The following SEMA3D variants were observed in gnomAD, a reference collection of about 807,000 sequenced individuals.
SEMA3D encodes the protein semaphorin 3D, also known as semaphorin-3D.
SEMA3D carries 84 observed loss-of-function variants against 100.1 expected under a neutral mutation model. That is an observed-to-expected ratio of 0.84 (90% confidence interval 0.70 to 1.01). The LOEUF (loss-of-function observed/expected upper bound fraction) is 1.01. SEMA3D is among the 50% of genes least tolerant of loss of function. SEMA3D has a pLI of 0.00. For synonymous variants in SEMA3D, 312 were observed against 320.7 expected, an observed-to-expected ratio of 0.97 and a Z score of 0.29; for missense variants, 875 against 934.1, an observed-to-expected ratio of 0.94 and a Z score of 0.82.
At chr7:85,019,519 C>A (rs976498253) in intron 14 of SEMA3D, among the ~76,000 whole-genome samples, 14 of 151,670 alleles carry the variant, frequency 9.2e-5, no homozygotes, top group Admixed American at 5.9e-4. Flanking sequence ...GCATTATTTA[C>A]ATGGAAACAA....
At chr7:85,150,572 C>T (rs958239938) in intron 2 of SEMA3D, among the ~76,000 whole-genome samples, 1 of 148,640 alleles carries the variant, frequency 6.7e-6, no homozygotes, top group African/African-American at 2.5e-5. Flanking sequence ...GAATCACTTC[C>T]CAAATCAAAC....
intron 1 of SEMA3D, among the ~76,000 whole-genome samples, chr7:85,170,393 T>A (rs1212245059): frequency 6.6e-6 from 1 of 151,908 alleles, no homozygotes; most frequent in East Asian, 1.9e-4. Flanking sequence ...TGTGGAAAGA[T>A]ATTTCTTGTT....
intron 1 of SEMA3D, among the ~76,000 whole-genome samples, chr7:85,156,491 C>T (rs1482362943): frequency 2.6e-5 from 4 of 151,972 alleles, no homozygotes; most frequent in South Asian, 2.1e-4. Flanking sequence ...AAGGAATAAT[C>T]GAATTTTCCA....
At position 85,022,612 on chromosome 7, in the gene SEMA3D, C is replaced by T. The variant is rs756141559; in HGVS notation, c.1193G>A (p.Cys398Tyr). 6.2e-7 allele frequency: 1 copy of T among 1,602,220 alleles called. No homozygotes were observed. The highest frequency in any genetic ancestry group is 8.5e-7 in the Non-Finnish European group (1 of 1,169,788). ...CAGTGGGTCATAGGTTTTGCTTGGA[C>T]ACTGAAAATAAATGTGGAGGAAAGT... is the stretch of plus-strand genomic sequence containing the variant. ...GRIPYPRPGT[C>Y]PSKTYDPLIK... Residue 398 changes from cysteine to tyrosine, a missense_variant and splice_region_variant, in exon 13 of 19, where the codon TGT becomes TAT. Cys to Tyr is a radical substitution (Grantham distance 194, BLOSUM62 -2). Coordinates refer to ENST00000284136, the MANE Select transcript of SEMA3D (RefSeq NM_001384900.1).
intron 1 of SEMA3D, among the ~76,000 whole-genome samples, chr7:85,176,926 T>C (rs190409061): frequency 6.6e-6 from 1 of 152,270 alleles, no homozygotes; most frequent in East Asian, 1.9e-4. Context: ...GTTTTTACCA[T>C]ATCTTTTCTA....
chr7:85,087,929 C>T (rs979723674), intron 4 of SEMA3D, among the ~76,000 whole-genome samples: 1 of 152,000 alleles, frequency 6.6e-6, no homozygotes, highest in Non-Finnish European at 1.5e-5. Context: ...TCAGTGCCTC[C>T]TTAAATAGGC....
intron 9 of SEMA3D, among the ~76,000 whole-genome samples, chr7:85,053,300 G>T (rs912799399): frequency 6.6e-6 from 1 of 151,810 alleles, no homozygotes; most frequent in Non-Finnish European, 1.5e-5. Context: ...ATCTTTACTT[G>T]TATCTACTGA....
chr7:85,144,708 G>C (rs1406970741), intron 2 of SEMA3D: 1 of 983,888 alleles, frequency 1.0e-6, no homozygotes, highest in East Asian at 1.1e-4. Flanking sequence ...GTTCTTATTT[G>C]TTCTCTTCCC....
chr7:85,116,587 G>T (rs1789252309), intron 3 of SEMA3D, among the ~76,000 whole-genome samples: 1 of 151,344 alleles, frequency 6.6e-6, no homozygotes, highest in South Asian at 2.1e-4. Context: ...TCCTCTTATT[G>T]ATGTCTTTGG....
chr7:85,178,170 G>T (rs915913860), intron 1 of SEMA3D, among the ~76,000 whole-genome samples: 2 of 152,168 alleles, frequency 1.3e-5, no homozygotes. Flanking sequence ...TCTTTCCTTA[G>T]AAATTACCCA....
At chr7:85,090,474 G>C (rs1788352471) in intron 4 of SEMA3D, among the ~76,000 whole-genome samples, 1 of 152,128 alleles carries the variant, frequency 6.6e-6, no homozygotes, top group Non-Finnish European at 1.5e-5. Flanking sequence ...TATAGCAAAA[G>C]TTAATTTATT....
Position 85,005,004 on chromosome 7 carries a change from A to C in SEMA3D, c.1908+1798T>G, listed in dbSNP as rs543043019. ...AATTTTCAAGAAAATGAAAGATGTG[A>C]GTGCAAACAACCACAGGCAAATGTA... On this transcript the variant is annotated intron_variant, in intron 18 of 18. Transcript: ENST00000284136. 2.0e-5 allele frequency among the ~76,000 whole-genome samples: 3 copies of C among 151,748 alleles called. No homozygotes were observed. In the South Asian group the frequency reaches 6.2e-4, roughly 31 times the overall value.
At chr7:85,049,076 A>G (rs1791086773) in intron 9 of SEMA3D, among the ~76,000 whole-genome samples, 1 of 151,670 alleles carries the variant, frequency 6.6e-6, no homozygotes, top group Non-Finnish European at 1.5e-5. Context: ...ATATAATAAC[A>G]TAGAGTCCTT....
chr7:85,223,755 G>T, the SEMA3D span, among the ~76,000 whole-genome samples: 9 of 152,024 alleles, frequency 5.9e-5, no homozygotes, highest in Non-Finnish European at 1.2e-4. Flanking sequence ...GAACTTTGGG[G>T]ACTCTGGGAG....
chr7:85,248,836 G>C, the SEMA3D span, among the ~76,000 whole-genome samples: 3 of 152,094 alleles, frequency 2.0e-5, no homozygotes, highest in Non-Finnish European at 4.4e-5. Context: ...AGAGGTTATA[G>C]ATGAATAGGC....
intron 4 of SEMA3D, among the ~76,000 whole-genome samples, chr7:85,094,476 G>C (rs1788490643): frequency 6.6e-6 from 1 of 151,938 alleles, no homozygotes; most frequent in Non-Finnish European, 1.5e-5. Flanking sequence ...TGAGGCTTTT[G>C]CTGGGGCTAC....
chr7:85,177,349 A>C (rs561878785), intron 1 of SEMA3D, among the ~76,000 whole-genome samples: 1 of 152,254 alleles, frequency 6.6e-6, no homozygotes, highest in East Asian at 1.9e-4. Context: ...AATATTCAAA[A>C]TAGTCATGGT....
intron 2 of SEMA3D, among the ~76,000 whole-genome samples, chr7:85,145,215 T>A (rs1230550724): frequency 6.6e-6 from 1 of 151,890 alleles, no homozygotes; most frequent in Non-Finnish European, 1.5e-5. Context: ...ACAAAAGATG[T>A]GTTAAATTTA....
intron 16 of SEMA3D, among the ~76,000 whole-genome samples, chr7:85,013,694 A>C (rs1262382722): frequency 6.6e-6 from 1 of 151,818 alleles, no homozygotes; most frequent in Admixed American, 6.6e-5. Flanking sequence ...AGATTCATCC[A>C]TTATACACAT....
Sources: allele counts gnomAD v4.1 joint callset (sites outside exome capture counted in the v4.1 genomes callset), GRCh38; gene constraint gnomAD v4.1.1; transcripts MANE v1.5; gene names NCBI Gene and HGNC (gene_info 2026-07-23, HGNC 2026-07-21).